The following CNTNAP5 variants were observed in gnomAD, a reference collection of about 807,000 sequenced individuals.
CNTNAP5 encodes the protein contactin associated protein family member 5.
A neutral mutation model predicts 150.2 loss-of-function variants in CNTNAP5; 72 were observed. That is an observed-to-expected ratio of 0.48 (90% CI 0.40 to 0.58). CNTNAP5 has a LOEUF of 0.58. Among genes scored for constraint, CNTNAP5 ranks in the 20% least tolerant of loss-of-function variants. The pLI is 0.00. For synonymous variants in CNTNAP5, 672 were observed against 619.8 expected (o/e 1.08, Z -1.25); for missense variants, 1,636 against 1,626.2 (o/e 1.01, Z -0.10).
intron 3 of CNTNAP5, among the ~76,000 whole-genome samples, chr2:124,249,373 C>A (rs1253783800): frequency 1.8e-4 from 28 of 152,174 alleles, no homozygotes; most frequent in Admixed American, 1.8e-3. Flanking sequence ...AAGAGCCAGG[C>A]ACCCTTTTAA....
chr2:124,069,868 G>T (rs1682257462), intron 1 of CNTNAP5, among the ~76,000 whole-genome samples: 1 of 152,142 alleles, frequency 6.6e-6, no homozygotes, highest in Non-Finnish European at 1.5e-5. Context: ...ACTGGGAATA[G>T]TAAGCGCACA....
At chr2:124,714,067 C>T (rs1214818539) in intron 13 of CNTNAP5, among the ~76,000 whole-genome samples, 1 of 152,088 alleles carries the variant, frequency 6.6e-6, no homozygotes, top group African/African-American at 2.4e-5. Context: ...TATGACATTT[C>T]CTCTAGGTTT....
At chr2:124,524,022 G>A (rs995134259) in intron 8 of CNTNAP5, among the ~76,000 whole-genome samples, 2 of 151,578 alleles carry the variant, frequency 1.3e-5, no homozygotes, top group Non-Finnish European at 2.9e-5. Flanking sequence ...CATAACTTTG[G>A]TTGTGGTGTG....
chr2:124,873,261 A>G (rs1397101566), intron 21 of CNTNAP5, among the ~76,000 whole-genome samples: 1 of 152,034 alleles, frequency 6.6e-6, no homozygotes, highest in Non-Finnish European at 1.5e-5. Context: ...CTTACTCACC[A>G]TTGCAAGGAC....
intron 3 of CNTNAP5, among the ~76,000 whole-genome samples, chr2:124,337,900 A>G (rs184555652): frequency 4.0e-4 from 61 of 152,212 alleles, no homozygotes; most frequent in African/African-American, 1.4e-3. Flanking sequence ...GTTTTTTCCA[A>G]TTCTGTGAAG....
At chr2:124,680,616 A>G (rs887368594) in intron 13 of CNTNAP5, 9 of 151,610 alleles carry the variant, frequency 5.9e-5, no homozygotes, top group African/African-American at 2.2e-4. Context: ...ATTTCCCCCC[A>G]CCCACTATGT....
chr2:124,413,581 G>C (rs1399019118), intron 3 of CNTNAP5, among the ~76,000 whole-genome samples: 2 of 132,494 alleles, frequency 1.5e-5, no homozygotes, highest in African/African-American at 5.8e-5. Flanking sequence ...GTCCTTTGTA[G>C]GGACATGGAT....
At chr2:124,764,169 T>C (rs1681019753) in intron 16 of CNTNAP5, 22 bp downstream of exon 16, 3 of 1,597,506 alleles carry the variant, frequency 1.9e-6, no homozygotes, top group Non-Finnish European at 2.6e-6. Context: ...CAATTATGAA[T>C]TTAATGTAAC....
At chr2:124,561,754 G>T (rs980813171) in intron 10 of CNTNAP5, among the ~76,000 whole-genome samples, 11 of 152,150 alleles carry the variant, frequency 7.2e-5, no homozygotes, top group African/African-American at 2.7e-4. Context: ...TAGTTTCTGG[G>T]ATTTGAAACA....
At chr2:124,862,392 C>A (rs1677544746) in intron 19 of CNTNAP5, among the ~76,000 whole-genome samples, 1 of 152,180 alleles carries the variant, frequency 6.6e-6, no homozygotes. Flanking sequence ...TTCCCTCTGA[C>A]AATTCACTGT....
At chr2:124,223,409 G>A (rs1268069639) in intron 2 of CNTNAP5, among the ~76,000 whole-genome samples, 1 of 152,108 alleles carries the variant, frequency 6.6e-6, no homozygotes, top group Non-Finnish European at 1.5e-5. Context: ...AGGAATGTCT[G>A]CCTTGCAACA....
intron 2 of CNTNAP5, among the ~76,000 whole-genome samples, chr2:124,237,832 G>T (rs1309818396): frequency 6.6e-6 from 1 of 152,036 alleles, no homozygotes; most frequent in Non-Finnish European, 1.5e-5. Flanking sequence ...GCAAGACTCT[G>T]TCTCAAAAGA....
Position 124,585,422 on chromosome 2 carries a change from A to G in CNTNAP5, c.1756+22099A>G, listed in dbSNP as rs574994145. On this transcript the variant is annotated intron_variant, in intron 11 of 23. Transcript: ENST00000682447. ...GGAGAGAGGAATTCTGTTGAGGGGC[A>G]TCAAAGTCTAACAGGAAGAATGGAT... 3.3e-5 allele frequency among the ~76,000 whole-genome samples: 5 copies of G among 152,312 alleles called. No individual in the cohort carries two copies. In the East Asian group the frequency reaches 7.7e-4, roughly 24 times the overall value.
In CNTNAP5 at chr2:124,531,808, C is replaced by T. The variant is rs143203163; in HGVS notation, c.1649+4352C>T. 4.4e-3 allele frequency among the ~76,000 whole-genome samples: 663 copies of T among 152,196 alleles called. 3 individuals are homozygous for T. The highest frequency in any genetic ancestry group is 0.01 in the Middle Eastern group (3 of 294). Reference sequence around the variant, plus strand: ...ATGTGTAACCCCATTTTCCAATTGTCGACCTAAAAGGAAAAAGCTGATGCA... The same window carrying T: ...ATGTGTAACCCCATTTTCCAATTGTTGACCTAAAAGGAAAAAGCTGATGCA... On this transcript the variant is annotated intron_variant, in intron 10 of 23. Transcript: ENST00000682447.
At chr2:124,435,013 A>G (rs1692491497) in intron 5 of CNTNAP5, among the ~76,000 whole-genome samples, 1 of 152,178 alleles carries the variant, frequency 6.6e-6, no homozygotes, top group Non-Finnish European at 1.5e-5. Context: ...CTTGCTCAGA[A>G]TCTATGCTAT....
chr2:124,678,528 G>A (rs1019589291), intron 13 of CNTNAP5, among the ~76,000 whole-genome samples: 1 of 151,544 alleles, frequency 6.6e-6, no homozygotes, highest in Non-Finnish European at 1.5e-5. Flanking sequence ...ATTCCAGAAT[G>A]TGAGGGTTTG....
intron 7 of CNTNAP5, among the ~76,000 whole-genome samples, chr2:124,494,424 G>C (rs895369778): frequency 3.3e-5 from 5 of 152,004 alleles, no homozygotes; most frequent in African/African-American, 9.7e-5. Context: ...TTCTGTTTTT[G>C]TTCTCTCTAG....
intron 2 of CNTNAP5, among the ~76,000 whole-genome samples, chr2:124,237,035 A>G (rs1286067547): frequency 1.3e-5 from 2 of 152,116 alleles, no homozygotes; most frequent in African/African-American, 4.8e-5. Context: ...AGGCTGAGGC[A>G]GGAGAATCCC....
chr2:124,735,464 A>G (rs1267160560), intron 13 of CNTNAP5, among the ~76,000 whole-genome samples: 2 of 150,634 alleles, frequency 1.3e-5, no homozygotes, highest in African/African-American at 4.9e-5. Flanking sequence ...TTTGTTTTTT[A>G]GATAAATCAA....
Sources: gnomAD v4.1 joint callset for allele counts (sites outside exome capture counted in the v4.1 genomes callset) on GRCh38, gnomAD v4.1.1 for gene constraint, MANE v1.5 for transcripts, NCBI Gene and HGNC (gene_info 2026-07-23, HGNC 2026-07-21) for gene names.